EAF2: variants seen among roughly 807,000 people sequenced by gnomAD.
EAF2 encodes the protein ELL associated factor 2.
EAF2 carries 29 observed loss-of-function variants against 29.4 expected under a neutral mutation model. The ratio of observed to expected loss-of-function variants is 0.99; its 90% confidence interval spans 0.73 to 1.35. The LOEUF (loss-of-function observed/expected upper bound fraction) is 1.35. EAF2 is among the 40% of genes most tolerant of loss of function. The probability of loss-of-function intolerance (pLI) is 0.00; values close to 1 mark genes in which losing one functional copy is unlikely to be tolerated. For synonymous variants in EAF2, 103 were observed against 102.5 expected, an observed-to-expected ratio of 1.00 and a Z score of -0.03; for missense variants, 292 against 312.0, an observed-to-expected ratio of 0.94 and a Z score of 0.48.
At chr3:121,883,666 A>G (rs1709228426) in intron 5 of EAF2, among the ~76,000 whole-genome samples, 1 of 152,246 alleles carries the variant, frequency 6.6e-6, no homozygotes, top group Non-Finnish European at 1.5e-5. Context: ...GCTATTAGCA[A>G]TCTACAGCCA....
chr3:121,879,140 C>A (rs1181821719), intron 5 of EAF2, among the ~76,000 whole-genome samples: 1 of 151,988 alleles, frequency 6.6e-6, no homozygotes, highest in Non-Finnish European at 1.5e-5. Flanking sequence ...TTTTCATATG[C>A]CTGTGGGCAT....
chr3:121,857,872 A>G (rs556686904), intron 4 of EAF2, among the ~76,000 whole-genome samples: 27 of 152,038 alleles, frequency 1.8e-4, no homozygotes, highest in African/African-American at 6.0e-4. Flanking sequence ...CCCTGTGTCC[A>G]AGTGTTCTCA....
chr3:121,844,238 T>G (rs1327639378), intron 1 of EAF2, among the ~76,000 whole-genome samples: 2 of 152,154 alleles, frequency 1.3e-5, no homozygotes, highest in Non-Finnish European at 2.9e-5. Context: ...GTAATTCTGT[T>G]TTAGAGTATA....
intron 4 of EAF2, among the ~76,000 whole-genome samples, chr3:121,872,155 C>T (rs1405472660): frequency 2.0e-5 from 3 of 151,886 alleles, no homozygotes; most frequent in Admixed American, 2.0e-4. Flanking sequence ...TCATCTGTTA[C>T]ATTATCACAT....
At chr3:121,860,965 A>C (rs926168830) in intron 4 of EAF2, among the ~76,000 whole-genome samples, 1 of 152,138 alleles carries the variant, frequency 6.6e-6, no homozygotes, top group Non-Finnish European at 1.5e-5. Flanking sequence ...TTCAGTTTCC[A>C]TGTAGTTGTG....
At chr3:121,863,490 C>A (rs927998712) in intron 4 of EAF2, among the ~76,000 whole-genome samples, 1 of 152,140 alleles carries the variant, frequency 6.6e-6, no homozygotes, top group African/African-American at 2.4e-5. Context: ...GGCATGGGAC[C>A]CTCCGAGCCA....
intron 5 of EAF2, among the ~76,000 whole-genome samples, chr3:121,884,324 G>C (rs1392397644): frequency 7.9e-6 from 1 of 126,444 alleles, no homozygotes; most frequent in Non-Finnish European, 1.6e-5. Context: ...TGGGTGACAA[G>C]AGTGAAACTC....
intron 2 of EAF2, among the ~76,000 whole-genome samples, chr3:121,853,745 T>C (rs972101477): frequency 2.0e-5 from 3 of 152,242 alleles, no homozygotes; most frequent in African/African-American, 7.2e-5. Flanking sequence ...TTGGTAGTTA[T>C]ATATCTAAGG....
At chr3:121,884,810 A>C (rs1359038127) in intron 5 of EAF2, among the ~76,000 whole-genome samples, 2 of 152,206 alleles carry the variant, frequency 1.3e-5, no homozygotes, top group African/African-American at 4.8e-5. Context: ...TACGTGGCCT[A>C]AAAACTATTC....
chr3:121,875,156 A>G (rs1709074432), intron 5 of EAF2, among the ~76,000 whole-genome samples: 2 of 151,936 alleles, frequency 1.3e-5, no homozygotes, highest in African/African-American at 4.8e-5. Context: ...CATATTTTCT[A>G]TTTGAAGCTA....
At chr3:121,853,783 T>G (rs927201744) in intron 2 of EAF2, among the ~76,000 whole-genome samples, 1 of 152,158 alleles carries the variant, frequency 6.6e-6, no homozygotes, top group African/African-American at 2.4e-5. Flanking sequence ...TTCTTTGGGG[T>G]TTGATAAGAA....
intron 1 of EAF2, 72 bp downstream of exon 1, chr3:121,835,463 G>A: frequency 7.2e-7 from 1 of 1,397,458 alleles, no homozygotes; most frequent in Admixed American, 1.8e-5. Context: ...AACCCCTCTG[G>A]GTTTTGTTCC....
intron 2 of EAF2, among the ~76,000 whole-genome samples, chr3:121,845,094 G>A (rs548484391): frequency 2.7e-4 from 41 of 152,160 alleles, no homozygotes; most frequent in Non-Finnish European, 4.7e-4. Flanking sequence ...CTCTGATGCC[G>A]AAAGAACAAA....
At position 121,872,879 on chromosome 3, in the gene EAF2, A is replaced by T. The variant is rs1374953044; in HGVS notation, c.736+91A>T. 7 of 1,498,142 alleles carry T rather than the reference A, an allele frequency of 4.7e-6. No homozygotes were observed. In the Admixed American group the frequency reaches 6.8e-5, roughly 15 times the overall value. 92.8% of individuals were successfully genotyped at this position (1,498,142 alleles called of 1,614,324 possible). A position where few individuals can be genotyped will look rare whatever the true frequency, so the allele number is the denominator to read the frequency against. ...ACCTAATATTTGGATAAAGAAAAAG[A>T]TTCCTATTTTATGCATTTGATACTA... On this transcript the variant is annotated intron_variant, in intron 5 of 5. Coordinates refer to ENST00000273668, the MANE Select transcript of EAF2 (RefSeq NM_018456.6).
intron 1 of EAF2, among the ~76,000 whole-genome samples, chr3:121,839,110 G>A (rs1044479232): frequency 6.6e-6 from 1 of 152,140 alleles, no homozygotes; most frequent in Non-Finnish European, 1.5e-5. Flanking sequence ...TAGCATATAG[G>A]CTGAGCTTGA....
chr3:121,839,749 G>T (rs1161319619), intron 1 of EAF2, among the ~76,000 whole-genome samples: 1 of 152,156 alleles, frequency 6.6e-6, no homozygotes, highest in Non-Finnish European at 1.5e-5. Flanking sequence ...GTGATTCAGA[G>T]AAGAGTGAAC....
chr3:121,879,533 A>G (rs995609399), intron 5 of EAF2, among the ~76,000 whole-genome samples: 2 of 151,768 alleles, frequency 1.3e-5, no homozygotes, highest in African/African-American at 4.8e-5. Flanking sequence ...CTTAGAATTG[A>G]GTCTTTAATC....
intron 5 of EAF2, among the ~76,000 whole-genome samples, chr3:121,875,649 A>T (rs934964868): frequency 6.6e-6 from 1 of 152,092 alleles, no homozygotes; most frequent in African/African-American, 2.4e-5. Context: ...TTACAGAGCA[A>T]TTAAGACAAA....
intron 2 of EAF2, among the ~76,000 whole-genome samples, chr3:121,847,523 G>A (rs192948856): frequency 1.6e-4 from 24 of 152,228 alleles, no homozygotes; most frequent in East Asian, 1.4e-3. Flanking sequence ...GTCAAAAGGC[G>A]TGCATATGAG....
Sources: gnomAD v4.1 joint callset for allele counts (sites outside exome capture counted in the v4.1 genomes callset) on GRCh38, gnomAD v4.1.1 for gene constraint, MANE v1.5 for transcripts, NCBI Gene and HGNC (gene_info 2026-07-23, HGNC 2026-07-21) for gene names.